The following WDR7 variants were observed in gnomAD, a reference collection of about 807,000 sequenced individuals.
WDR7 encodes WD repeat domain 7.
WDR7 carries 46 observed loss-of-function variants against 169.4 expected under a neutral mutation model. The observed-to-expected ratio is 0.27, with a 90% CI of 0.21 to 0.35. WDR7 has a LOEUF of 0.35. WDR7 is among the 10% of genes least tolerant of loss of function. WDR7 has a pLI of 1.00. For synonymous variants in WDR7, 612 were observed against 666.8 expected (o/e 0.92, Z 1.27); for missense variants, 1,534 against 1,859.3 (o/e 0.83, Z 3.22).
At chr18:56,801,676 C>T (rs1024236767) in intron 19 of WDR7, among the ~76,000 whole-genome samples, 3 of 152,018 alleles carry the variant, frequency 2.0e-5, no homozygotes, top group African/African-American at 4.8e-5. Flanking sequence ...TTTCCTTTTC[C>T]AAAATTCCAT....
intron 21 of WDR7, among the ~76,000 whole-genome samples, chr18:56,899,819 G>C (rs746745619): frequency 5.3e-5 from 8 of 151,920 alleles, no homozygotes; most frequent in Non-Finnish European, 8.8e-5. Flanking sequence ...CATCATATAA[G>C]CTTTAAGAAT....
intron 12 of WDR7, among the ~76,000 whole-genome samples, chr18:56,709,470 T>C (rs2144703156): frequency 6.6e-6 from 1 of 152,346 alleles, no homozygotes; most frequent in East Asian, 1.9e-4. Flanking sequence ...ATCTTTTGTA[T>C]TCATGACATG....
At chr18:56,990,795 C>G (rs1245290640) in intron 26 of WDR7, among the ~76,000 whole-genome samples, 1 of 152,164 alleles carries the variant, frequency 6.6e-6, no homozygotes. Flanking sequence ...CAGGCTCTCC[C>G]CTGCAGCCTC....
At chr18:56,860,934 C>G (rs529372153) in intron 20 of WDR7, among the ~76,000 whole-genome samples, 1 of 151,558 alleles carries the variant, frequency 6.6e-6, no homozygotes, top group South Asian at 2.1e-4. Flanking sequence ...GAAAATATTA[C>G]ATAGTAAAAA....
chr18:56,682,534 A>G (rs900728258), intron 4 of WDR7, 145 bp from the exon 5 acceptor site: 142 of 829,762 alleles, frequency 1.7e-4, no homozygotes, highest in Admixed American at 5.7e-5. Flanking sequence ...TATAATATGT[A>G]CCATTTGGTA....
intron 19 of WDR7, among the ~76,000 whole-genome samples, chr18:56,805,530 G>T (rs1012018818): frequency 1.3e-5 from 2 of 152,144 alleles, no homozygotes; most frequent in Non-Finnish European, 2.9e-5. Flanking sequence ...TGTGTCTTTG[G>T]AGATTATGAT....
In WDR7 at chr18:56,924,061, G is replaced by A. The variant is rs148787583; in HGVS notation, c.3666G>A (p.Leu1222=). 8.8e-5 allele frequency: 142 copies of A among 1,613,340 alleles called. No individual in the cohort carries two copies. The African/African-American group carries it at 1.6e-3, about 18-fold the overall frequency. ...CTTACATGGATGTGTCCGCTGTTCT[G>A]ATGGGGCTTCTCGAACTTTGTGCCG... ...WEPYMDVSAV[L]MGLLELCADA... is the part of the protein sequence containing the mutation. The change falls in exon 22 of 28, where the codon CTG becomes CTA. Residue 1222 remains leucine, a synonymous_variant. Transcript: ENST00000254442.
At chr18:56,727,967 A>T (rs2026497222) in intron 13 of WDR7, among the ~76,000 whole-genome samples, 2 of 152,204 alleles carry the variant, frequency 1.3e-5, no homozygotes, top group Admixed American at 1.3e-4. Context: ...TTTCAATTTA[A>T]AATAATTCCT....
chr18:56,941,434 G>T (rs2047034049), intron 25 of WDR7, among the ~76,000 whole-genome samples: 1 of 152,166 alleles, frequency 6.6e-6, no homozygotes, highest in South Asian at 2.1e-4. Flanking sequence ...AGTTGATGGG[G>T]TGGGCTTTGC....
intron 11 of WDR7, among the ~76,000 whole-genome samples, chr18:56,695,561 A>G (rs2025682494): frequency 6.6e-6 from 1 of 150,708 alleles, no homozygotes; most frequent in South Asian, 2.1e-4. Flanking sequence ...TTTCCGAGAA[A>G]GAGTCTCACT....
chr18:56,788,025 A>G (rs992925804), intron 19 of WDR7, among the ~76,000 whole-genome samples: 2 of 152,106 alleles, frequency 1.3e-5, no homozygotes, highest in African/African-American at 4.8e-5. Context: ...TTCTCTTTTT[A>G]TATATGCCTC....
chr18:56,766,881 A>C (rs2144997244), intron 16 of WDR7, among the ~76,000 whole-genome samples: 1 of 152,268 alleles, frequency 6.6e-6, no homozygotes, highest in African/African-American at 2.4e-5. Context: ...GTTTAAATTA[A>C]TTATTCTCCT....
chr18:56,979,178 T>C (rs1423153312), intron 26 of WDR7, among the ~76,000 whole-genome samples: 3 of 152,196 alleles, frequency 2.0e-5, no homozygotes, highest in African/African-American at 7.2e-5. Flanking sequence ...GTATAGATAT[T>C]TGCAGTCTAT....
intron 26 of WDR7, among the ~76,000 whole-genome samples, chr18:57,015,014 A>G (rs2048187800): frequency 6.6e-6 from 1 of 152,204 alleles, no homozygotes; most frequent in Admixed American, 6.5e-5. Flanking sequence ...AGTGTTTTGG[A>G]TTTAGATTTG....
intron 19 of WDR7, among the ~76,000 whole-genome samples, chr18:56,795,095 A>G (rs542380180): frequency 6.6e-6 from 1 of 152,340 alleles, no homozygotes; most frequent in African/African-American, 2.4e-5. Flanking sequence ...TTTTTAAAGT[A>G]TTTAAATATT....
intron 21 of WDR7, among the ~76,000 whole-genome samples, chr18:56,884,712 T>C (rs7237919): frequency 6.6e-6 from 1 of 152,138 alleles, no homozygotes; most frequent in Non-Finnish European, 1.5e-5. Flanking sequence ...CTACCTGCCC[T>C]GATAGCAAAG....
chr18:56,848,236 T>TTGCATG (rs2045594250), intron 20 of WDR7, among the ~76,000 whole-genome samples: 1 of 152,236 alleles, frequency 6.6e-6, no homozygotes, highest in Non-Finnish European at 1.5e-5. Context: ...ACTGTTCTGC[T>TTGCATG]GGGTTTCAGA....
At chr18:56,875,078 A>T (rs1003160207) in intron 20 of WDR7, among the ~76,000 whole-genome samples, 11 of 152,166 alleles carry the variant, frequency 7.2e-5, no homozygotes, top group Admixed American at 6.5e-5. Context: ...CAGCACAGCT[A>T]AACAATGGAA....
At chr18:56,783,502 G>A (rs1257864381) in intron 19 of WDR7, among the ~76,000 whole-genome samples, 2 of 152,054 alleles carry the variant, frequency 1.3e-5, no homozygotes, top group South Asian at 2.1e-4. Flanking sequence ...ATAGGCAATG[G>A]CAAATCACTA....
Sources: allele counts gnomAD v4.1 joint callset (sites outside exome capture counted in the v4.1 genomes callset), GRCh38; gene constraint gnomAD v4.1.1; transcripts MANE v1.5; gene names NCBI Gene and HGNC (gene_info 2026-07-23, HGNC 2026-07-21).